DISP1: variants seen among roughly 807,000 people sequenced by gnomAD.
DISP1 encodes protein dispatched homolog 1.
Under a neutral mutation model 37.3 loss-of-function variants are expected in DISP1, and 30 were observed. The observed-to-expected ratio is 0.80, with a 90% CI of 0.60 to 1.09. The LOEUF is 1.09. Among genes scored for constraint, DISP1 ranks in the 50% least tolerant of loss-of-function variants. DISP1 has a pLI of 0.00. For missense variants in DISP1, 1,598 were observed against 1,879.5 expected (o/e 0.85, Z 2.77); for synonymous variants, 634 against 690.2 (o/e 0.92, Z 1.28).
At chr1:222,872,831 G>T (rs1264199052) in intron 1 of DISP1, among the ~76,000 whole-genome samples, 2 of 152,210 alleles carry the variant, frequency 1.3e-5, no homozygotes, top group East Asian at 3.9e-4. Flanking sequence ...GAATGTGTTT[G>T]CTCTTGCTTC....
At chr1:222,979,623 T>C (rs1444055628) in intron 3 of DISP1, 1 of 471,044 alleles carries the variant, frequency 2.1e-6, no homozygotes, top group African/African-American at 2.0e-5. Flanking sequence ...CTTTTGTAGA[T>C]TCACCAGAAA....
At chr1:222,952,262 ACT>A (rs921928269) in intron 3 of DISP1, among the ~76,000 whole-genome samples, 10 of 152,176 alleles carry the variant, frequency 6.6e-5, no homozygotes, top group African/African-American at 2.4e-4. Flanking sequence ...CAATTTCAGT[ACT>A]CAGTAGCCAC....
At chr1:222,858,844 G>C (rs573388366) in intron 1 of DISP1, among the ~76,000 whole-genome samples, 2 of 152,180 alleles carry the variant, frequency 1.3e-5, no homozygotes, top group Non-Finnish European at 2.9e-5. Context: ...AGATGCTGGC[G>C]AGGTTGCAGA....
rs748634730 is a variant in DISP1, at chr1:223,003,223, T to G, written c.1826T>G (p.Phe609Cys). ...TTGCAGCACGCTGCCCTCTCCATGT[T>G]CGTCACCAGTTTTACCACTGCTGCT... Reference protein sequence around the residue: ...ITLQHAALSMFVTSFTTAAAF... With the variant: ...ITLQHAALSMCVTSFTTAAAF... Residue 609 changes from phenylalanine (F) to cysteine (C), a missense_variant, in exon 9 of 9, where the codon TTC becomes TGC. Transcript: ENST00000675850. The surrounding 1 kb of genome is among the most constrained non-coding windows in gnomAD (Gnocchi z 4.3). 67 of 1,614,114 alleles carry G rather than the reference T, an allele frequency of 4.2e-5. No homozygotes were observed. The highest frequency in any genetic ancestry group is 5.7e-5 in the Non-Finnish European group (67 of 1,180,046).
intron 3 of DISP1, among the ~76,000 whole-genome samples, chr1:222,970,353 C>G (rs1411764593): frequency 6.6e-6 from 1 of 152,044 alleles, no homozygotes; most frequent in African/African-American, 2.4e-5. Context: ...AGCCATTTAT[C>G]TAGTCATTTA....
intron 3 of DISP1, among the ~76,000 whole-genome samples, chr1:222,974,245 C>A (rs1046896830): frequency 6.6e-6 from 1 of 152,098 alleles, no homozygotes; most frequent in African/African-American, 2.4e-5. Flanking sequence ...AAAACTGTTA[C>A]ACACACCAGC....
intron 1 of DISP1, among the ~76,000 whole-genome samples, chr1:222,854,407 T>C (rs1472048901): frequency 6.6e-6 from 1 of 152,148 alleles, no homozygotes; most frequent in East Asian, 1.9e-4. Flanking sequence ...CACATGCTTA[T>C]AAAACCATCA....
chr1:222,904,921 CT>C (rs1671816423), intron 1 of DISP1, among the ~76,000 whole-genome samples: 1 of 152,136 alleles, frequency 6.6e-6, no homozygotes, highest in Non-Finnish European at 1.5e-5. Context: ...AATATTTTTA[CT>C]TTCAAAAACT....
At chr1:222,895,231 T>C (rs534420557) in intron 1 of DISP1, among the ~76,000 whole-genome samples, 1 of 152,326 alleles carries the variant, frequency 6.6e-6, no homozygotes, top group East Asian at 1.9e-4. Flanking sequence ...CCTAAGGAGA[T>C]ACTGTCCAGT....
chr1:222,887,648 G>A (rs1482449681), intron 1 of DISP1, among the ~76,000 whole-genome samples: 7 of 138,654 alleles, frequency 5.0e-5, no homozygotes, highest in African/African-American at 1.9e-4. Context: ...ACAGGCGCCC[G>A]CCACCGCGCC....
intron 3 of DISP1, among the ~76,000 whole-genome samples, chr1:222,953,371 T>C (rs968606064): frequency 6.6e-5 from 10 of 152,198 alleles, no homozygotes; most frequent in African/African-American, 2.4e-4. Context: ...GTTTTAGAAA[T>C]GAAGCTATTA....
chr1:222,874,407 G>T (rs1002746580), intron 1 of DISP1, among the ~76,000 whole-genome samples: 5 of 151,838 alleles, frequency 3.3e-5, no homozygotes, highest in African/African-American at 7.3e-5. Flanking sequence ...CGTAGATTTG[G>T]TCTTTTGACA....
chr1:222,992,916 C>A (rs906796328), intron 7 of DISP1, among the ~76,000 whole-genome samples: 1 of 139,616 alleles, frequency 7.2e-6, no homozygotes, highest in African/African-American at 2.7e-5. Context: ...GGCTGGAGTA[C>A]AATGGCGCAA....
chr1:222,919,872 G>T (rs1672715119), intron 1 of DISP1, among the ~76,000 whole-genome samples: 1 of 151,930 alleles, frequency 6.6e-6, no homozygotes, highest in African/African-American at 2.4e-5. Context: ...CAATAAAATG[G>T]GATTTGAATT....
chr1:222,856,879 T>G (rs1668582604), intron 1 of DISP1, among the ~76,000 whole-genome samples: 1 of 151,936 alleles, frequency 6.6e-6, no homozygotes, highest in Admixed American at 6.6e-5. Flanking sequence ...ACTTTTTGTA[T>G]TTTAAGTAGA....
intron 4 of DISP1, among the ~76,000 whole-genome samples, chr1:222,987,041 A>G (rs1243645096): frequency 3.0e-5 from 4 of 133,658 alleles, no homozygotes; most frequent in African/African-American, 1.1e-4. Context: ...AATGCACAGG[A>G]TATGGATATA....
At chr1:222,850,523 A>G (rs1396037502) in intron 1 of DISP1, among the ~76,000 whole-genome samples, 1 of 151,534 alleles carries the variant, frequency 6.6e-6, no homozygotes, top group Non-Finnish European at 1.5e-5. Flanking sequence ...TTTTTTGTAC[A>G]TATTATTTCA....
intron 2 of DISP1, among the ~76,000 whole-genome samples, chr1:222,929,223 T>A (rs1558334755): frequency 6.6e-6 from 1 of 152,188 alleles, no homozygotes; most frequent in Non-Finnish European, 1.5e-5. Context: ...TGACTGCATA[T>A]GATTGGATTT....
chr1:222,980,692 T>A (rs1553254154), intron 3 of DISP1, among the ~76,000 whole-genome samples: 1 of 152,216 alleles, frequency 6.6e-6, no homozygotes, highest in Non-Finnish European at 1.5e-5. Flanking sequence ...TTTAGATTTT[T>A]AAAAAATGAA....
Sources: allele counts gnomAD v4.1 joint callset (sites outside exome capture counted in the v4.1 genomes callset), GRCh38; gene constraint gnomAD v4.1.1; non-coding constraint Gnocchi (gnomAD v3.1); transcripts MANE v1.5; gene names NCBI Gene and HGNC (gene_info 2026-07-23, HGNC 2026-07-21).